Variants in GRIP2 observed in about 807,000 individuals in gnomAD.
GRIP2 encodes the protein glutamate receptor-interacting protein 2.
A neutral mutation model predicts 108.3 loss-of-function variants in GRIP2; 58 were observed. The ratio of observed to expected loss-of-function variants is 0.54; its 90% confidence interval spans 0.43 to 0.67. GRIP2 has a LOEUF of 0.67. Among genes scored for constraint, GRIP2 ranks in the 30% least tolerant of loss-of-function variants. GRIP2 has a pLI of 0.00. For synonymous variants in GRIP2, 586 were observed against 598.2 expected (o/e 0.98, Z 0.30); for missense variants, 1,278 against 1,430.6 (o/e 0.89, Z 1.72).
chr3:14,577,745 T>C, the GRIP2 span, among the ~76,000 whole-genome samples: 1 of 152,198 alleles, frequency 6.6e-6, no homozygotes, highest in Non-Finnish European at 1.5e-5. Flanking sequence ...CTAAGCCAAG[T>C]TGCTCACATG....
chr3:14,541,924 A>G, upstream of GRIP2: 2 of 1,346,074 alleles, frequency 1.5e-6, no homozygotes, highest in Non-Finnish European at 2.0e-6. Context: ...CTCGCCATGA[A>G]GACCCTGGCC....
At chr3:14,591,057 C>A in the GRIP2 span, among the ~76,000 whole-genome samples, 108 of 152,322 alleles carry the variant, frequency 7.1e-4, no homozygotes, top group East Asian at 0.021. Context: ...GTGCACCTCA[C>A]ACAGCTAACA....
chr3:14,504,524 A>G (rs1693864061), intron 20 of GRIP2, among the ~76,000 whole-genome samples: 1 of 151,858 alleles, frequency 6.6e-6, no homozygotes, highest in Admixed American at 6.6e-5. Context: ...GTCAGCCAGG[A>G]TGGTCTCGAT....
intron 4 of GRIP2, 75 bp downstream of exon 4, chr3:14,524,318 G>GGTA: frequency 6.6e-7 from 1 of 1,507,364 alleles, no homozygotes. Flanking sequence ...CTGCCACCCA[G>GGTA]GCCCTGGTGG....
At chr3:14,577,963 G>A in the GRIP2 span, among the ~76,000 whole-genome samples, 1 of 152,230 alleles carries the variant, frequency 6.6e-6, no homozygotes, top group Admixed American at 6.5e-5. Flanking sequence ...GGGCCTGTGG[G>A]GTGAACAGGA....
the GRIP2 span, among the ~76,000 whole-genome samples, chr3:14,579,306 C>T: frequency 6.6e-6 from 1 of 152,140 alleles, no homozygotes; most frequent in South Asian, 2.1e-4. Flanking sequence ...CTAATTGTAC[C>T]TTGATTGGGT....
Position 14,494,936 on chromosome 3 carries a change from A to G in GRIP2, c.2877T>C (p.Asp959=), listed in dbSNP as rs768206087. The G allele has an allele frequency of 1.4e-5, 23 of 1,613,990 alleles. No individual in the cohort carries two copies. The South Asian group carries it at 1.9e-4, about 13-fold the overall frequency. The change falls in exon 23 of 24, where the codon GAT becomes GAC. Residue 959 remains aspartate, a synonymous_variant. Coordinates refer to ENST00000621039, the MANE Select transcript of GRIP2 (RefSeq NM_001080423.4). The part of the protein sequence containing the change: ...MRHDFGFSVS[D]GLLEKGVYVH... ...CATAGACACCTTTTTCCAGGAGGCC[A>G]TCTGAGACGCTGAAACCAAAGTCAT... is the stretch of plus-strand genomic sequence containing the variant.
At chr3:14,542,165 T>A, upstream of GRIP2, 1 of 955,910 alleles carries the variant, frequency 1.0e-6, no homozygotes, top group Non-Finnish European at 1.4e-6. Flanking sequence ...TTTTTTTATT[T>A]TTTTTTGTGA....
At chr3:14,555,127 C>T (rs1371182868) in intron 1 of GRIP2, among the ~76,000 whole-genome samples, 2 of 152,120 alleles carry the variant, frequency 1.3e-5, no homozygotes, top group East Asian at 3.9e-4. Context: ...CTTCCTAGCA[C>T]TCTGAGGGGC....
At chr3:14,541,730 C>T, upstream of GRIP2, 1 of 485,434 alleles carries the variant, frequency 2.1e-6, no homozygotes, top group South Asian at 1.8e-5. Flanking sequence ...GTCCAGGTGC[C>T]AGGCAAGTTT....
chr3:14,574,737 C>T, the GRIP2 span: 1 of 487,270 alleles, frequency 2.1e-6, no homozygotes, highest in Non-Finnish European at 3.9e-6. Flanking sequence ...AATCGAGCAG[C>T]CTTTCATCAG....
chr3:14,493,714 C>T lies in GRIP2; in HGVS notation c.3083G>A (p.Ser1028Asn), dbSNP rs944336595. 3 of 1,610,660 alleles carry T rather than the reference C, an allele frequency of 1.9e-6. No individual in the cohort carries two copies. The highest frequency in any genetic ancestry group is 2.5e-6 in the Non-Finnish European group (3 of 1,178,744). The change falls in exon 24 of 24, where the codon AGC becomes AAC. Residue 1028 changes from serine to asparagine, a missense_variant. Physicochemically the swap from Ser to Asn is conservative, Grantham distance 46. Coordinates refer to ENST00000621039, the MANE Select transcript of GRIP2 (RefSeq NM_001080423.4). ...GCCTGGCGATCGGGGGGCCCGGCTG[C>T]TGTGTGCCGTGTGCGGCTTGCGGCT... The part of the protein sequence containing the change: ...IISRKPHTAH[S>N]SRAPRSPGPS...
chr3:14,520,877 G>T, intron 7 of GRIP2: 2 of 267,232 alleles, frequency 7.5e-6, no homozygotes, highest in Non-Finnish European at 1.4e-5. Context: ...CCCCATCTCA[G>T]GAAATGGCAC....
In GRIP2 at chr3:14,511,352, C is replaced by T. The variant is rs773614740; in HGVS notation, c.1788-42G>A. ...CAGAGGGGATGGAAGGAGCCTGGTG[C>T]ATGCAGGTGCCATACTCACTGCTGT... On this transcript the variant is annotated intron_variant, in intron 15 of 23. Transcript: ENST00000621039. The surrounding 1 kb of genome is among the most constrained non-coding windows in gnomAD (Gnocchi z 4.1). 1 of 1,613,940 alleles carries T rather than the reference C, an allele frequency of 6.2e-7. No individual in the cohort carries two copies. The highest frequency in any genetic ancestry group is 8.5e-7 in the Non-Finnish European group (1 of 1,179,844).
At chr3:14,575,046 G>A in the GRIP2 span, among the ~76,000 whole-genome samples, 5 of 152,108 alleles carry the variant, frequency 3.3e-5, no homozygotes, top group Admixed American at 1.3e-4. Flanking sequence ...GTACCTCTAG[G>A]GGAGCAGGAG....
At chr3:14,534,939 GAGTGGGTGGGACTATAA>G (rs1478016726) in intron 1 of GRIP2, among the ~76,000 whole-genome samples, 1 of 152,160 alleles carries the variant, frequency 6.6e-6, no homozygotes, top group African/African-American at 2.4e-5. Context: ...AAGCGTGGGG[GAGTGGGTGGGACTATAA>G]AGTCAGCCGG....
chr3:14,584,239 T>C, the GRIP2 span, among the ~76,000 whole-genome samples: 1 of 152,160 alleles, frequency 6.6e-6, no homozygotes, highest in East Asian at 1.9e-4. Context: ...CTAGTTGCTG[T>C]GGGGTCCAGG....
intron 1 of GRIP2, among the ~76,000 whole-genome samples, chr3:14,552,435 T>C (rs900557306): frequency 2.0e-5 from 3 of 152,174 alleles, no homozygotes; most frequent in African/African-American, 4.8e-5. Context: ...TATGACGTAA[T>C]AGATGCTCAA....
chr3:14,599,679 C>CTGTGTGTGTGTGTG, the GRIP2 span, among the ~76,000 whole-genome samples: 805 of 106,882 alleles, frequency 7.5e-3, 2 homozygotes, highest in African/African-American at 0.029. Flanking sequence ...CTCTCTCTCT[C>CTGTGTGTGTGTGTG]TCTCTCTGTG....
Sources: allele counts gnomAD v4.1 joint callset (sites outside exome capture counted in the v4.1 genomes callset), GRCh38; gene constraint gnomAD v4.1.1; non-coding constraint Gnocchi (gnomAD v3.1); transcripts MANE v1.5; gene names NCBI Gene and HGNC (gene_info 2026-07-23, HGNC 2026-07-21).